Variants in NALF1 observed in about 807,000 individuals in gnomAD.
NALF1 encodes NALCN channel auxiliary factor 1.
NALF1 carries 3 observed loss-of-function variants against 48.4 expected under a neutral mutation model. The observed-to-expected ratio is 0.06, with a 90% CI of 0.03 to 0.16. The LOEUF (loss-of-function observed/expected upper bound fraction) is 0.16, where lower values mean the gene tolerates loss of function less well. Ranked by LOEUF, NALF1 falls within the 10% of genes least tolerant of loss-of-function variation. The pLI is 1.00. For synonymous variants in NALF1, 262 were observed against 245.7 expected (o/e 1.07, Z -0.62); for missense variants, 526 against 571.5 (o/e 0.92, Z 0.81).
intron 1 of NALF1, among the ~76,000 whole-genome samples, chr13:107,433,132 G>C (rs1424024898): frequency 2.0e-5 from 3 of 152,070 alleles, no homozygotes; most frequent in Non-Finnish European, 4.4e-5. Context: ...CTTTAAGGAG[G>C]CATCTTATCA....
rs536890967 is a variant in NALF1, at chr13:107,163,972, T to C, written c.*6525A>G. 1 of 152,360 alleles carries C rather than the reference T, an allele frequency of 6.6e-6. No individual in the cohort carries two copies. Among genetic ancestry groups the C allele is most frequent in the Admixed American group, 6.5e-5 (1 of 15,306 alleles). 9.4% of individuals were successfully genotyped at this position (152,360 alleles called of 1,614,324 possible). ...AACTTTTGCTGTAGTTTATATTTCC[T>C]ATTGTTTTATCCATTTTGCAGTGAA... On this transcript the variant is annotated 3_prime_UTR_variant, in exon 3 of 3. Transcript: ENST00000375915.
At chr13:107,187,080 C>T (rs1239259193) in intron 2 of NALF1, among the ~76,000 whole-genome samples, 1 of 152,184 alleles carries the variant, frequency 6.6e-6, no homozygotes, top group Non-Finnish European at 1.5e-5. Flanking sequence ...CTTCCCATCT[C>T]TCTGATCTCT....
At chr13:107,657,872 C>G (rs750633981) in intron 1 of NALF1, among the ~76,000 whole-genome samples, 1 of 152,170 alleles carries the variant, frequency 6.6e-6, no homozygotes, top group Non-Finnish European at 1.5e-5. Flanking sequence ...TTTAGACCTG[C>G]ATGAATGTCA....
intron 1 of NALF1, among the ~76,000 whole-genome samples, chr13:107,820,457 A>G (rs557503798): frequency 1.3e-5 from 2 of 152,328 alleles, no homozygotes; most frequent in South Asian, 4.1e-4. Flanking sequence ...TGTACATCAC[A>G]TAAGCAGACT....
intron 1 of NALF1, among the ~76,000 whole-genome samples, chr13:107,226,243 G>A (rs9558976): frequency 0.4 from 60,054 of 152,016 alleles, 12,169 homozygotes; most frequent in Middle Eastern, 0.51. Flanking sequence ...TGTTATGGAA[G>A]GAGGCGGTCA....
chr13:107,441,479 A>G (rs1332186715), intron 1 of NALF1, among the ~76,000 whole-genome samples: 1 of 152,214 alleles, frequency 6.6e-6, no homozygotes, highest in African/African-American at 2.4e-5. Context: ...AGTGTGAATA[A>G]TGGGACTTAG....
At position 107,324,213 on chromosome 13, in the gene NALF1, C is replaced by G. The variant is rs558629243; in HGVS notation, c.916-113458G>C. 2.6e-3 allele frequency among the ~76,000 whole-genome samples: 393 copies of G among 152,126 alleles called. 2 individuals are homozygous for G. The highest frequency in any genetic ancestry group is 9.2e-3 in the African/African-American group (382 of 41,492). ...AACACTTTGACAGTATTTTTCAGTCCTTCCTATTATTTTTCTGAATCATGG... is the reference window on the plus strand; with the variant it reads ...AACACTTTGACAGTATTTTTCAGTCGTTCCTATTATTTTTCTGAATCATGG... On this transcript the variant is annotated intron_variant, in intron 1 of 2. Transcript: ENST00000375915.
chr13:107,734,042 T>TG (rs1876390900), intron 1 of NALF1, among the ~76,000 whole-genome samples: 1 of 152,266 alleles, frequency 6.6e-6, no homozygotes, highest in South Asian at 2.1e-4. Flanking sequence ...AAAACAGTGG[T>TG]AAGTATTTGT....
intron 1 of NALF1, among the ~76,000 whole-genome samples, chr13:107,675,238 G>T (rs1881084717): frequency 6.6e-6 from 1 of 152,190 alleles, no homozygotes; most frequent in African/African-American, 2.4e-5. Flanking sequence ...CCTGGTATTT[G>T]TCCCTGGATG....
intron 1 of NALF1, among the ~76,000 whole-genome samples, chr13:107,766,018 T>C (rs1472910826): frequency 1.3e-5 from 2 of 150,476 alleles, no homozygotes; most frequent in Non-Finnish European, 3.0e-5. Flanking sequence ...TTTGTTCACG[T>C]AAAAATAATA....
chr13:107,750,449 CT>C (rs768324981), intron 1 of NALF1, among the ~76,000 whole-genome samples: 27 of 151,704 alleles, frequency 1.8e-4, no homozygotes, highest in Admixed American at 5.9e-4. Context: ...TACAATTTTC[CT>C]GAAATTTTAT....
intron 1 of NALF1, among the ~76,000 whole-genome samples, chr13:107,549,530 T>C (rs1179422202): frequency 6.6e-6 from 1 of 152,130 alleles, no homozygotes; most frequent in Non-Finnish European, 1.5e-5. Flanking sequence ...GTTGCAGAAA[T>C]AGTACAAAGA....
At chr13:107,318,121 C>A (rs948374667) in intron 1 of NALF1, among the ~76,000 whole-genome samples, 2 of 151,956 alleles carry the variant, frequency 1.3e-5, no homozygotes, top group South Asian at 2.1e-4. Context: ...GCAAAGGAAG[C>A]AAATAATCTT....
chr13:107,822,645 T>C (rs904365842), intron 1 of NALF1, among the ~76,000 whole-genome samples: 5 of 152,234 alleles, frequency 3.3e-5, no homozygotes, highest in African/African-American at 1.2e-4. Flanking sequence ...TCATGAATAC[T>C]GTAAAAGTGC....
chr13:107,181,272 A>G (rs535700070), intron 2 of NALF1, among the ~76,000 whole-genome samples: 5 of 151,580 alleles, frequency 3.3e-5, no homozygotes, highest in Admixed American at 2.0e-4. Flanking sequence ...AACAATATTG[A>G]ATTGAATGCC....
rs1404524578 is a variant in NALF1 at position 107,737,153 on chromosome 13, T to C, written c.915+128529A>G. 4.6e-5 allele frequency among the ~76,000 whole-genome samples: 7 copies of C among 152,324 alleles called. No individual in the cohort carries two copies. In the East Asian group the frequency reaches 7.7e-4, roughly 17 times the overall value. On this transcript the variant is annotated intron_variant, in intron 1 of 2. Coordinates refer to ENST00000375915, the MANE Select transcript of NALF1 (RefSeq NM_001080396.3). Reference sequence around the variant, plus strand: ...GGCATTATTAATAGCTGCATGAGTATAGGATAGAGAAACACCAGTGTCTTC... The same window carrying C: ...GGCATTATTAATAGCTGCATGAGTACAGGATAGAGAAACACCAGTGTCTTC...
chr13:107,401,203 T>C (rs1879737323), intron 1 of NALF1, among the ~76,000 whole-genome samples: 1 of 152,162 alleles, frequency 6.6e-6, no homozygotes, highest in Non-Finnish European at 1.5e-5. Flanking sequence ...AGTCCTCCCT[T>C]TGTCTAATGT....
chr13:107,547,038 T>C (rs1224716651), intron 1 of NALF1, among the ~76,000 whole-genome samples: 1 of 152,236 alleles, frequency 6.6e-6, no homozygotes, highest in Non-Finnish European at 1.5e-5. Flanking sequence ...TATCATAGTT[T>C]TGTTATGAAA....
intron 1 of NALF1, among the ~76,000 whole-genome samples, chr13:107,522,185 T>A (rs991836384): frequency 6.6e-6 from 1 of 152,320 alleles, no homozygotes; most frequent in East Asian, 1.9e-4. Context: ...AAAAACCTCA[T>A]TTCCCAGAGC....
Sources: allele counts gnomAD v4.1 joint callset (sites outside exome capture counted in the v4.1 genomes callset), GRCh38; gene constraint gnomAD v4.1.1; transcripts MANE v1.5; gene names NCBI Gene and HGNC (gene_info 2026-07-23, HGNC 2026-07-21).